EIF4ENIF1: variants seen among roughly 807,000 people sequenced by gnomAD.
EIF4ENIF1 encodes eukaryotic translation initiation factor 4E transporter.
Under a neutral mutation model 110.5 loss-of-function variants are expected in EIF4ENIF1, and 23 were observed. The ratio of observed to expected loss-of-function variants is 0.21; its 90% CI spans 0.15 to 0.29. The LOEUF (loss-of-function observed/expected upper bound fraction) is 0.29. Ranked by LOEUF, EIF4ENIF1 falls within the 10% of genes least tolerant of loss-of-function variation. The pLI, the probability that EIF4ENIF1 is intolerant of heterozygous loss-of-function variation, is 1.00. For missense variants in EIF4ENIF1, 1,031 were observed against 1,221.1 expected, an observed-to-expected ratio of 0.84 and a Z score of 2.32; for synonymous variants, 440 against 437.0, an observed-to-expected ratio of 1.01 and a Z score of -0.09.
upstream of EIF4ENIF1, among the ~76,000 whole-genome samples, chr22:31,490,679 G>A (rs2052245255): frequency 6.6e-6 from 1 of 152,136 alleles, no homozygotes; most frequent in Non-Finnish European, 1.5e-5. Context: ...CAGGCTGACA[G>A]GGGGCCACAG....
Position 31,440,866 on chromosome 22 carries a change from C to A in EIF4ENIF1, c.2554G>T (p.Val852Leu), listed in dbSNP as rs1235163454. The change falls in exon 18 of 19, where the codon GTG becomes TTG. Residue 852 changes from valine (V) to leucine (L), a missense_variant and splice_region_variant. Physicochemically the swap from Val to Leu is conservative, Grantham distance 32. This residue lies in a region of EIF4ENIF1 where 309 missense variants were observed against 299.1 expected (regional missense o/e 1.03). Coordinates refer to ENST00000330125, the MANE Select transcript of EIF4ENIF1 (RefSeq NM_019843.4). ...CTCAAGTCCATCCCAGGAGGAAGCA[C>A]ACCTGTTGAGCAGAAAAAGCAAGCA... ...QHLPSLLQTG[V>L]LPPGMDLSHL... 6.2e-7 allele frequency: 1 copy of A among 1,613,908 alleles called. No homozygotes were observed. Among genetic ancestry groups the A allele is most frequent in the Non-Finnish European group, 8.5e-7 (1 of 1,179,840 alleles).
chr22:31,475,785 G>A (rs2051549780), intron 2 of EIF4ENIF1, among the ~76,000 whole-genome samples: 1 of 151,564 alleles, frequency 6.6e-6, no homozygotes, highest in Non-Finnish European at 1.5e-5. Flanking sequence ...TGCGGTGGGA[G>A]GGTCACTTGA....
At chr22:31,471,764 TACA>T (rs1173480071) in intron 3 of EIF4ENIF1, 77 bp downstream of exon 3, 2 of 1,274,524 alleles carry the variant, frequency 1.6e-6, no homozygotes, top group Non-Finnish European at 2.2e-6. Context: ...TTCAAAACAA[TACA>T]ATTCTTAATT....
chr22:31,473,676 G>C (rs1272038889), intron 2 of EIF4ENIF1, among the ~76,000 whole-genome samples: 1 of 152,142 alleles, frequency 6.6e-6, no homozygotes, highest in Non-Finnish European at 1.5e-5. Context: ...TAACTGAAGA[G>C]GTGCTGTGTC....
intron 2 of EIF4ENIF1, among the ~76,000 whole-genome samples, chr22:31,476,780 G>A (rs1162878359): frequency 1.3e-5 from 2 of 151,812 alleles, no homozygotes; most frequent in Non-Finnish European, 2.9e-5. Flanking sequence ...AGGTTGCAGT[G>A]AGCTAAGATC....
In EIF4ENIF1 at chr22:31,439,594, A is replaced by C. The variant is rs1601544835; in HGVS notation, c.*286T>G. On this transcript the variant is annotated 3_prime_UTR_variant, in exon 19 of 19. Transcript: ENST00000330125. ...TATTTCCTCAGAACCCTTAGGTGCC[A>C]CCTCTTGGTGAGGACACCAACACTT... The C allele has an allele frequency of 2.8e-5, 12 of 432,280 alleles. 2 individuals carry two copies. In the South Asian group the frequency reaches 3.3e-4, roughly 12 times the overall value. 26.8% of individuals were successfully genotyped at this position (432,280 alleles called of 1,614,324 possible).
At chr22:31,462,375 C>T (rs564384319) in intron 6 of EIF4ENIF1, among the ~76,000 whole-genome samples, 7 of 151,624 alleles carry the variant, frequency 4.6e-5, no homozygotes, top group South Asian at 2.1e-4. Flanking sequence ...CCCAGCTACT[C>T]GGGAGGCTGA....
downstream of EIF4ENIF1, among the ~76,000 whole-genome samples, chr22:31,438,965 C>T (rs2050215251): frequency 6.6e-6 from 1 of 152,166 alleles, no homozygotes; most frequent in African/African-American, 2.4e-5. Context: ...TGTGATTCGC[C>T]TGCCTCTGCC....
chr22:31,442,844 G>A, intron 16 of EIF4ENIF1, 118 bp downstream of exon 16: 4 of 1,323,634 alleles, frequency 3.0e-6, no homozygotes, highest in Non-Finnish European at 3.1e-6. Context: ...CCATAGTCCA[G>A]AGAAGCTAGT....
At chr22:31,441,122 G>A (rs551326690) in intron 17 of EIF4ENIF1, among the ~76,000 whole-genome samples, 11 of 152,282 alleles carry the variant, frequency 7.2e-5, no homozygotes, top group South Asian at 2.1e-4. Context: ...AGGTGTAGTG[G>A]CAGGCGCCTG....
At chr22:31,477,087 C>T (rs1448998283) in intron 2 of EIF4ENIF1, among the ~76,000 whole-genome samples, 2 of 150,926 alleles carry the variant, frequency 1.3e-5, no homozygotes, top group South Asian at 2.1e-4. Context: ...TGTACCACCG[C>T]GCTCTAGCCC....
chr22:31,447,504 G>A lies in EIF4ENIF1; in HGVS notation c.1910C>T (p.Ala637Val). 1 of 1,612,910 alleles carries A rather than the reference G, an allele frequency of 6.2e-7. No homozygotes were observed. The highest frequency in any genetic ancestry group is 2.2e-5 in the East Asian group (1 of 44,812). Reference sequence around the variant, plus strand: ...CTGGTAGAAGTTTGCTGCCTGTACAGCAAGGTCATGTGGCAAGGCCAGCCC... The same window carrying A: ...CTGGTAGAAGTTTGCTGCCTGTACAACAAGGTCATGTGGCAAGGCCAGCCC... Reference protein sequence around the residue: ...LEGLALPHDLAVQAANFYQPG... With the variant: ...LEGLALPHDLVVQAANFYQPG... The change falls in exon 14 of 19, where the codon GCT becomes GTT. Residue 637 changes from alanine to valine, a missense_variant. Transcript: ENST00000330125.
At chr22:31,458,749 T>C in intron 6 of EIF4ENIF1, 99 bp from the exon 7 acceptor site, 2 of 1,150,276 alleles carry the variant, frequency 1.7e-6, no homozygotes. Flanking sequence ...GAGCCACACA[T>C]GACTTAAAAA....
intron 5 of EIF4ENIF1, 48 bp from the exon 6 acceptor site, chr22:31,463,181 T>C: frequency 6.4e-7 from 1 of 1,573,302 alleles, no homozygotes; most frequent in South Asian, 1.1e-5. Flanking sequence ...GTCAAGCCAT[T>C]TCTACTTCAG....
At chr22:31,445,238 T>A (rs2050425550) in intron 14 of EIF4ENIF1, among the ~76,000 whole-genome samples, 1 of 152,086 alleles carries the variant, frequency 6.6e-6, no homozygotes, top group Non-Finnish European at 1.5e-5. Flanking sequence ...GGAGCGGCAA[T>A]AATTAGCACA....
At chr22:31,456,020 C>T (rs1888826447) in intron 7 of EIF4ENIF1, 33 bp from the exon 8 acceptor site, 1 of 1,604,538 alleles carries the variant, frequency 6.2e-7, no homozygotes, top group South Asian at 1.1e-5. Context: ...CTAATAGTTT[C>T]TAGATGAAAA....
intron 18 of EIF4ENIF1, 102 bp downstream of exon 18, chr22:31,440,601 TA>T (rs2050261201): frequency 7.3e-7 from 1 of 1,375,538 alleles, no homozygotes; most frequent in Non-Finnish European, 9.9e-7. Context: ...TAGAACAAGT[TA>T]AAGAATGAAA....
upstream of EIF4ENIF1, among the ~76,000 whole-genome samples, chr22:31,493,367 C>T (rs533625065): frequency 1.5e-3 from 221 of 152,154 alleles, no homozygotes; most frequent in Middle Eastern, 0.01. Flanking sequence ...TTTGCTCTGT[C>T]GCCCAGGCTA....
rs776642525 is a variant in EIF4ENIF1 at position 31,442,149 on chromosome 22, C to T, written c.2207-31G>A. 1.9e-6 allele frequency: 3 copies of T among 1,540,252 alleles called. No homozygotes were observed. In the Admixed American group the frequency reaches 5.4e-5, roughly 28 times the overall value. On this transcript the variant is annotated intron_variant, in intron 16 of 18. Transcript: ENST00000330125. ...AGGAACCAAACAAAAAATATTTTGGCAAACCTCTCCCAAACACTTGTGGCC... is the reference window on the plus strand; with the variant it reads ...AGGAACCAAACAAAAAATATTTTGGTAAACCTCTCCCAAACACTTGTGGCC...
Sources: allele counts gnomAD v4.1 joint callset (sites outside exome capture counted in the v4.1 genomes callset), GRCh38; gene constraint gnomAD v4.1.1; regional missense constraint gnomAD v4.1.1; transcripts MANE v1.5; gene names NCBI Gene and HGNC (gene_info 2026-07-23, HGNC 2026-07-21).